Variants in PCDH15 observed in about 807,000 individuals in gnomAD.
PCDH15 encodes the protein protocadherin-15.
In PCDH15, 129 loss-of-function variants were observed where a neutral mutation model predicts 178.5. The observed-to-expected ratio is 0.72, with a 90% confidence interval of 0.63 to 0.84. The LOEUF (loss-of-function observed/expected upper bound fraction) is 0.84, where lower values mean the gene tolerates loss of function less well. Ranked by LOEUF, PCDH15 falls within the 40% of genes least tolerant of loss-of-function variation. The pLI is 0.00. For synonymous variants in PCDH15, 800 were observed against 732.0 expected (o/e 1.09, Z -1.50); for missense variants, 2,230 against 2,099.9 (o/e 1.06, Z -1.21).
At chr10:54,535,698 A>C (rs2132831943) in intron 2 of PCDH15, among the ~76,000 whole-genome samples, 1 of 125,732 alleles carries the variant, frequency 8.0e-6, no homozygotes, top group South Asian at 3.0e-4. Context: ...AGACAGAGCG[A>C]GACTCCACCT....
At chr10:55,183,430 C>T (rs184592393) in intron 1 of PCDH15, among the ~76,000 whole-genome samples, 4 of 151,842 alleles carry the variant, frequency 2.6e-5, no homozygotes, top group East Asian at 3.9e-4. Flanking sequence ...TTAAGAAAAG[C>T]GCTCTATACA....
chr10:54,284,383 AT>A (rs144627167), intron 8 of PCDH15, among the ~76,000 whole-genome samples: 5,422 of 152,240 alleles, frequency 0.036, 306 homozygotes, highest in African/African-American at 0.12. Flanking sequence ...AGAACCTGTT[AT>A]TTATACTCCA....
chr10:54,752,534 A>T (rs1352324932), intron 1 of PCDH15, among the ~76,000 whole-genome samples: 1 of 148,394 alleles, frequency 6.7e-6, no homozygotes, highest in Admixed American at 6.7e-5. Context: ...ACAAACAAAA[A>T]AAAACAATAA....
chr10:54,330,627 T>C lies in PCDH15; in HGVS notation c.595-921A>G, dbSNP rs145457719. On this transcript the variant is annotated intron_variant, in intron 6 of 37. Transcript: ENST00000644397. ...CCACAACTTCTGCTCATTAGTTAAG[T>C]TCTCTGCCCTGTCTAGGACTGAGTT... 5.0e-3 allele frequency among the ~76,000 whole-genome samples: 756 copies of C among 151,986 alleles called. 8 individuals carry two copies. The highest frequency in any genetic ancestry group is 0.027 in the Middle Eastern group (8 of 294).
chr10:53,951,952 A>G (rs769490708), intron 23 of PCDH15, among the ~76,000 whole-genome samples: 3 of 152,156 alleles, frequency 2.0e-5, no homozygotes, highest in Non-Finnish European at 2.9e-5. Context: ...CCAGCTCCAT[A>G]CAAGCCAGTG....
rs1227824127 is a variant in PCDH15 at position 55,069,692 on chromosome 10, C to G, written c.-80+96884G>C. On this transcript the variant is annotated intron_variant, in intron 2 of 5. Transcript: ENST00000458638. ...CAGTCTATCATTGTTGGACATTTGG[C>G]TTGGTTCCAAGTCTTTGCTATTGTG... is the stretch of plus-strand genomic sequence containing the variant. 6.8e-3 allele frequency among the ~76,000 whole-genome samples: 973 copies of G among 143,358 alleles called. 7 individuals carry two copies. Among genetic ancestry groups the G allele is most frequent in the Non-Finnish European group, 9.4e-3 (616 of 65,272 alleles). The allele number at this position is 143,358 out of a possible 152,430, so 94.0% of individuals were successfully genotyped here. A position where few individuals can be genotyped will look rare whatever the true frequency, so the allele number is the denominator to read the frequency against.
chr10:55,339,968 A>C (rs1588930963), intron 2 of PCDH15, among the ~76,000 whole-genome samples: 1 of 151,470 alleles, frequency 6.6e-6, no homozygotes, highest in Admixed American at 6.6e-5. Context: ...TGTTTTTTGA[A>C]AGAGAAAGAT....
intron 6 of PCDH15, among the ~76,000 whole-genome samples, chr10:54,344,738 A>G (rs941344415): frequency 6.6e-6 from 1 of 151,840 alleles, no homozygotes. Flanking sequence ...TACATTTAAG[A>G]AAAAGCATTT....
intron 1 of PCDH15, among the ~76,000 whole-genome samples, chr10:55,206,126 G>A (rs1021157426): frequency 7.2e-5 from 11 of 152,020 alleles, no homozygotes; most frequent in South Asian, 6.2e-4. Context: ...TATCACCTTC[G>A]TAATTTTGAG....
At chr10:55,288,489 C>T (rs2132265378) in intron 1 of PCDH15, among the ~76,000 whole-genome samples, 1 of 151,984 alleles carries the variant, frequency 6.6e-6, no homozygotes, top group African/African-American at 2.4e-5. Context: ...GCTTATTCAT[C>T]TTGCCTAACA....
intron 2 of PCDH15, among the ~76,000 whole-genome samples, chr10:55,152,905 T>G (rs1235166654): frequency 6.6e-6 from 1 of 151,932 alleles, no homozygotes; most frequent in East Asian, 1.9e-4. Context: ...TTATGTAAAT[T>G]ACATAACTTG....
intron 2 of PCDH15, among the ~76,000 whole-genome samples, chr10:54,931,255 T>G (rs532367170): frequency 1.6e-4 from 25 of 152,348 alleles, no homozygotes; most frequent in African/African-American, 5.8e-4. Flanking sequence ...CTGGAATATA[T>G]TCTGTTAAAC....
chr10:54,002,664 T>G (rs2092215638), intron 20 of PCDH15, among the ~76,000 whole-genome samples: 1 of 152,134 alleles, frequency 6.6e-6, no homozygotes, highest in Non-Finnish European at 1.5e-5. Flanking sequence ...ATACAAAGTA[T>G]CAAAACCAAT....
rs552096202 is a variant in PCDH15 at position 54,436,146 on chromosome 10, AAAGG to A, written c.158-57208_158-57205del. Among the ~76,000 whole-genome samples, 19 of 147,774 alleles carry A rather than the reference AAAGG, an allele frequency of 1.3e-4. No homozygotes were observed. In the East Asian group the frequency reaches 1.4e-3, roughly 11 times the overall value. Reference sequence around the variant, plus strand: ...AAGAAAGAAAGAAAAAGAAAGAAAGAAAGGAAGGAAGAAAGGAAGGAAGGAAGAA... The same window carrying A: ...AAGAAAGAAAGAAAAAGAAAGAAAGAAAGGAAGAAAGGAAGGAAGGAAGAA... On this transcript the variant is annotated intron_variant, in intron 3 of 37. Coordinates refer to ENST00000644397, the MANE Select transcript of PCDH15 (RefSeq NM_001384140.1).
chr10:54,690,565 A>C (rs1277123554), intron 1 of PCDH15, among the ~76,000 whole-genome samples: 1 of 152,002 alleles, frequency 6.6e-6, no homozygotes, highest in Non-Finnish European at 1.5e-5. Context: ...CACCCACCTC[A>C]ACTTCCCAAA....
At chr10:55,616,554 C>T (rs1194804942) in intron 2 of PCDH15, among the ~76,000 whole-genome samples, 1 of 149,376 alleles carries the variant, frequency 6.7e-6, no homozygotes, top group Non-Finnish European at 1.5e-5. Context: ...CTGAGTGATA[C>T]AGAAATTTGT....
chr10:54,690,522 C>T (rs2095101636), intron 1 of PCDH15, among the ~76,000 whole-genome samples: 1 of 151,906 alleles, frequency 6.6e-6, no homozygotes, highest in African/African-American at 2.4e-5. Flanking sequence ...ACCATGTTGG[C>T]CAGGCTTGTC....
In PCDH15 at chr10:54,089,946, G is replaced by A. The variant is rs759344773; in HGVS notation, c.1997+38C>T. 6 of 1,482,338 alleles carry A rather than the reference G, an allele frequency of 4.0e-6. No homozygotes were observed. The Admixed American group carries it at 8.4e-5, about 21-fold the overall frequency. The allele number at this position is 1,482,338 out of a possible 1,614,324, so 91.8% of individuals were successfully genotyped here. ...GCTTTCTTACTAACAGTACGTTGCT[G>A]TACATTTTTTTAAAGTAGGAAATCA... On this transcript the variant is annotated intron_variant, in intron 16 of 37. Transcript: ENST00000644397.
intron 18 of PCDH15, among the ~76,000 whole-genome samples, chr10:54,061,034 G>T (rs370967565): frequency 6.6e-6 from 1 of 152,030 alleles, no homozygotes; most frequent in South Asian, 2.1e-4. Flanking sequence ...ATGCTCTGCT[G>T]TTGTATATTC....
Sources: gnomAD v4.1 joint callset for allele counts (sites outside exome capture counted in the v4.1 genomes callset) on GRCh38, gnomAD v4.1.1 for gene constraint, MANE v1.5 for transcripts, NCBI Gene and HGNC (gene_info 2026-07-23, HGNC 2026-07-21) for gene names.